Variants in HSD17B12 observed in about 807,000 individuals in gnomAD.
HSD17B12 encodes hydroxysteroid 17-beta dehydrogenase 12.
A neutral mutation model predicts 39.3 loss-of-function variants in HSD17B12; 32 were observed. The observed-to-expected ratio is 0.81, with a 90% confidence interval of 0.61 to 1.09. The LOEUF (loss-of-function observed/expected upper bound fraction) is 1.09. Among genes scored for constraint, HSD17B12 ranks in the 50% least tolerant of loss-of-function variants. HSD17B12 has a pLI of 0.00. For missense variants in HSD17B12, 342 were observed against 382.9 expected (o/e 0.89, Z 0.89); for synonymous variants, 150 against 146.7 (o/e 1.02, Z -0.16).
the HSD17B12 span, among the ~76,000 whole-genome samples, chr11:43,621,788 T>C: frequency 6.6e-6 from 1 of 152,216 alleles, no homozygotes; most frequent in Non-Finnish European, 1.5e-5. Flanking sequence ...GAAATGGAGA[T>C]ATTTGGCCTG....
chr11:43,715,549 G>A (rs571911716), intron 1 of HSD17B12, among the ~76,000 whole-genome samples: 4 of 152,260 alleles, frequency 2.6e-5, no homozygotes, highest in East Asian at 1.9e-4. Context: ...GAGGATTTTT[G>A]CATCAATGTT....
intron 6 of HSD17B12, among the ~76,000 whole-genome samples, chr11:43,825,300 T>C (rs7131110): frequency 0.66 from 99,590 of 152,004 alleles, 32,968 homozygotes; most frequent in East Asian, 0.76. Context: ...GCCAGAAGTG[T>C]CTTATGCGAT....
At chr11:43,840,450 A>T (rs1370203431) in intron 9 of HSD17B12, among the ~76,000 whole-genome samples, 1 of 152,022 alleles carries the variant, frequency 6.6e-6, no homozygotes, top group African/African-American at 2.4e-5. Flanking sequence ...AAGTACATTC[A>T]CATATCGTGC....
chr11:43,604,662 T>C, the HSD17B12 span, among the ~76,000 whole-genome samples: 1 of 152,208 alleles, frequency 6.6e-6, no homozygotes, highest in Non-Finnish European at 1.5e-5. Context: ...GTTAGTCTAA[T>C]GCTGTGATTC....
At chr11:43,639,511 G>C in the HSD17B12 span, among the ~76,000 whole-genome samples, 1 of 152,052 alleles carries the variant, frequency 6.6e-6, no homozygotes. Context: ...AAATGAGAGG[G>C]AGCACTCAAG....
In HSD17B12 at chr11:43,750,960, A is replaced by G; in HGVS notation, c.207+3A>G. 2.5e-6 allele frequency: 4 copies of G among 1,582,314 alleles called. No homozygotes were observed. Among genetic ancestry groups the G allele is most frequent in the Non-Finnish European group, 2.6e-6 (3 of 1,156,814 alleles). On this transcript the variant is annotated splice_donor_region_variant and intron_variant, in intron 2 of 10. Coordinates refer to ENST00000278353, the MANE Select transcript of HSD17B12 (RefSeq NM_016142.3). ...TTGGAAAATCATATGCAGAAGAGGT[A>G]GGTGATTTTCAAGATCTTTCCTTTT... is the stretch of plus-strand genomic sequence containing the variant.
intron 3 of HSD17B12, among the ~76,000 whole-genome samples, chr11:43,765,646 T>G (rs973315445): frequency 1.3e-5 from 2 of 152,162 alleles, no homozygotes; most frequent in Non-Finnish European, 2.9e-5. Flanking sequence ...GATGCTGTCT[T>G]TAGTTTTTAT....
At chr11:43,801,595 GATATAT>G (rs55674379) in intron 4 of HSD17B12, among the ~76,000 whole-genome samples, 4,804 of 72,246 alleles carry the variant, frequency 0.066, 99 homozygotes, top group East Asian at 0.16. Context: ...GATAGTTGGA[GATATAT>G]ATATATATAT....
upstream of HSD17B12, among the ~76,000 whole-genome samples, chr11:43,677,518 T>C (rs982767794): frequency 1.3e-5 from 2 of 152,212 alleles, no homozygotes; most frequent in Non-Finnish European, 1.5e-5. Context: ...TGTATACATG[T>C]GCCATGTTGG....
At chr11:43,651,576 C>G in the HSD17B12 span, among the ~76,000 whole-genome samples, 1 of 152,042 alleles carries the variant, frequency 6.6e-6, no homozygotes, top group Non-Finnish European at 1.5e-5. Context: ...TAAAAAAATC[C>G]ATTGGTTGAT....
intron 3 of HSD17B12, among the ~76,000 whole-genome samples, chr11:43,787,749 A>T (rs59813502): frequency 0.039 from 5,965 of 151,524 alleles, 256 homozygotes; most frequent in African/African-American, 0.1. Context: ...AAAAAAAAAA[A>T]AATAATAATA....
chr11:43,685,432 T>C (rs1374143800), intron 1 of HSD17B12, among the ~76,000 whole-genome samples: 1 of 152,244 alleles, frequency 6.6e-6, no homozygotes. Flanking sequence ...CAAGAGTTTG[T>C]GATATCACAT....
chr11:43,854,633 C>A, intron 9 of HSD17B12, 82 bp from the exon 10 acceptor site: 1 of 1,408,168 alleles, frequency 7.1e-7, no homozygotes, highest in Non-Finnish European at 9.8e-7. Flanking sequence ...CCACTAAGAG[C>A]AGTCAAGCAC....
chr11:43,701,895 A>G (rs907432435), intron 1 of HSD17B12, among the ~76,000 whole-genome samples: 1 of 152,188 alleles, frequency 6.6e-6, no homozygotes, highest in Non-Finnish European at 1.5e-5. Context: ...TAGGGATTAC[A>G]TTGAATTTGT....
intron 1 of HSD17B12, among the ~76,000 whole-genome samples, chr11:43,702,864 T>C (rs1260819229): frequency 2.0e-5 from 3 of 152,216 alleles, no homozygotes; most frequent in Non-Finnish European, 4.4e-5. Context: ...GTGTATTTTA[T>C]GTGTGGCCCA....
Position 43,855,355 on chromosome 11 carries a change from T to C in HSD17B12, c.*107T>C, listed in dbSNP as rs1590354015. ...TCTGACCTTGTCATTTCAATAGTTA[T>C]TAACATGACTAAATATTATCTTAAT... On this transcript the variant is annotated 3_prime_UTR_variant, in exon 11 of 11. Coordinates refer to ENST00000278353, the MANE Select transcript of HSD17B12 (RefSeq NM_016142.3). 1.2e-5 allele frequency: 7 copies of C among 573,300 alleles called. No homozygotes were observed. In the East Asian group the frequency reaches 2.0e-4, roughly 17 times the overall value. The allele number at this position is 573,300 out of a possible 1,614,324, so 35.5% of individuals were successfully genotyped here.
the HSD17B12 span, among the ~76,000 whole-genome samples, chr11:43,612,741 A>T: frequency 1.3e-5 from 2 of 152,246 alleles, no homozygotes; most frequent in African/African-American, 2.4e-5. Context: ...GACAGACTGC[A>T]TTAGGGAATG....
intron 1 of HSD17B12, among the ~76,000 whole-genome samples, chr11:43,746,094 T>C (rs1369348717): frequency 6.6e-6 from 1 of 152,194 alleles, no homozygotes; most frequent in Non-Finnish European, 1.5e-5. Context: ...CTGGAGTTTT[T>C]CTGGGTAAGT....
At chr11:43,778,157 C>T (rs1219854152) in intron 3 of HSD17B12, among the ~76,000 whole-genome samples, 1 of 152,088 alleles carries the variant, frequency 6.6e-6, no homozygotes, top group African/African-American at 2.4e-5. Flanking sequence ...GGGGATATCA[C>T]CACCGATCCC....
Sources: allele counts gnomAD v4.1 joint callset (sites outside exome capture counted in the v4.1 genomes callset), GRCh38; gene constraint gnomAD v4.1.1; transcripts MANE v1.5; gene names NCBI Gene and HGNC (gene_info 2026-07-23, HGNC 2026-07-21).